PDCD11: variants seen among roughly 807,000 people sequenced by gnomAD.
PDCD11 encodes protein RRP5 homolog.
A neutral mutation model predicts 198.9 loss-of-function variants in PDCD11; 97 were observed. The ratio of observed to expected loss-of-function variants is 0.49; its 90% CI spans 0.41 to 0.58. The LOEUF (loss-of-function observed/expected upper bound fraction) is 0.58. Among genes scored for constraint, PDCD11 ranks in the 20% least tolerant of loss-of-function variants. PDCD11 has a pLI of 0.00. For synonymous variants in PDCD11, 893 were observed against 918.0 expected (o/e 0.97, Z 0.49); for missense variants, 2,102 against 2,312.7 (o/e 0.91, Z 1.87).
intron 8 of PDCD11, among the ~76,000 whole-genome samples, chr10:103,412,681 C>T (rs1012074684): frequency 2.0e-5 from 3 of 152,164 alleles, no homozygotes; most frequent in African/African-American, 7.2e-5. Context: ...GCTGGGCTGT[C>T]TCAGACTCCT....
rs749175496 is a variant in PDCD11, at chr10:103,444,532, C to A, written c.5294C>A (p.Ala1765Asp). Residue 1765 changes from alanine to aspartate, a missense_variant, in exon 35 of 36, where the codon GCC (alanine) becomes GAC (aspartate). By Grantham distance (126) the Ala-to-Asp change is moderately radical (BLOSUM62 -2). Coordinates refer to ENST00000369797, the MANE Select transcript of PDCD11 (RefSeq NM_014976.2). ...CTCCCTGCAGATGTGGATGTCATTG[C>A]CAAGTTTGCCCAGCTTGAGTTTCAG... is the stretch of plus-strand genomic sequence containing the variant. Reference protein sequence around the residue: ...LPSKEHVDVIAKFAQLEFQLG... With the variant: ...LPSKEHVDVIDKFAQLEFQLG... 4.3e-6 allele frequency: 7 copies of A among 1,613,978 alleles called. No individual in the cohort carries two copies. The East Asian group carries it at 1.6e-4, about 36-fold the overall frequency.
intron 13 of PDCD11, 139 bp from the exon 14 acceptor site, chr10:103,417,653 C>T: frequency 1.1e-6 from 1 of 870,972 alleles, no homozygotes; most frequent in African/African-American, 1.7e-5. Flanking sequence ...CAGTGCATTT[C>T]TTCTTTTCAC....
chr10:103,415,147 G>T lies in PDCD11; in HGVS notation c.1514G>T (p.Cys505Phe), dbSNP rs199836327. The change falls in exon 12 of 36, where the codon TGC (cysteine) becomes TTC (phenylalanine). Residue 505 changes from cysteine (C) to phenylalanine (F), a missense_variant. Cys to Phe is a radical substitution (Grantham distance 205). Coordinates refer to ENST00000369797, the MANE Select transcript of PDCD11 (RefSeq NM_014976.2). ...TACCACATCGGGGATGAGGTCAAGT[G>T]CCGGGTGAGCCTCCTGAAGGGTCTC... is the stretch of plus-strand genomic sequence containing the variant. ...KKYHIGDEVK[C>F]RVLLCDPEAK... The T allele has an allele frequency of 1.2e-6, 2 of 1,613,780 alleles. No individual in the cohort carries two copies.
At chr10:103,422,892 C>T (rs1592129718) in intron 17 of PDCD11, 96 bp from the exon 18 acceptor site, 1 of 1,166,070 alleles carries the variant, frequency 8.6e-7, no homozygotes, top group East Asian at 2.8e-5. Flanking sequence ...TTCCAGTGCT[C>T]CACTGTCCTC....
intron 7 of PDCD11, among the ~76,000 whole-genome samples, chr10:103,409,472 C>G (rs375176429): frequency 6.6e-6 from 1 of 152,110 alleles, no homozygotes. Flanking sequence ...GATTGATGTC[C>G]TCTCTTAGCT....
In PDCD11 at chr10:103,419,535, T is replaced by C. The variant is rs1162005085; in HGVS notation, c.2107-3T>C. On this transcript the variant is annotated splice_polypyrimidine_tract_variant and splice_region_variant and intron_variant, in intron 15 of 35. Transcript: ENST00000369797. Reference sequence around the variant, plus strand: ...GGAACATTCCTTGATGAAGTACCACTAGCTTCTTTGCAGGAAGCCAGCCTT... The same window carrying C: ...GGAACATTCCTTGATGAAGTACCACCAGCTTCTTTGCAGGAAGCCAGCCTT... The C allele has an allele frequency of 2.5e-6, 4 of 1,612,816 alleles. No individual in the cohort carries two copies. In the Admixed American group the frequency reaches 5.0e-5, roughly 20 times the overall value.
rs781022588 is a variant in PDCD11, at chr10:103,421,486, G to T, written c.2416G>T (p.Asp806Tyr). ...SLRLSDCGLG[D>Y]LAITSLLLLN... ...GCGGCTGTCGGACTGTGGTCTGGGGGACTTGGCTATCACCAGCCTCCTCCT... is the reference window on the plus strand; with the variant it reads ...GCGGCTGTCGGACTGTGGTCTGGGGTACTTGGCTATCACCAGCCTCCTCCT... Residue 806 changes from aspartate to tyrosine, a missense_variant, in exon 17 of 36, where the codon GAC (aspartate) becomes TAC (tyrosine). Physicochemically the swap from Asp to Tyr is radical, Grantham distance 160. Transcript: ENST00000369797. 5 of 1,597,634 alleles carry T rather than the reference G, an allele frequency of 3.1e-6. No individual in the cohort carries two copies. The highest frequency in any genetic ancestry group is 1.8e-5 in the Admixed American group (1 of 57,050).
In PDCD11 at chr10:103,444,532, C is replaced by T; in HGVS notation, c.5294C>T (p.Ala1765Val). 3 of 1,614,096 alleles carry T rather than the reference C, an allele frequency of 1.9e-6. No individual in the cohort carries two copies. The highest frequency in any genetic ancestry group is 8.5e-7 in the Non-Finnish European group (1 of 1,180,000). ...LPSKEHVDVI[A>V]KFAQLEFQLG... ...CTCCCTGCAGATGTGGATGTCATTG[C>T]CAAGTTTGCCCAGCTTGAGTTTCAG... Residue 1765 changes from alanine to valine, a missense_variant, in exon 35 of 36, where the codon GCC becomes GTC. Physicochemically the swap from Ala to Val is moderately conservative, Grantham distance 64 (BLOSUM62 0). Transcript: ENST00000369797.
intron 1 of PDCD11, among the ~76,000 whole-genome samples, chr10:103,397,994 G>A (rs1184599430): frequency 6.6e-6 from 1 of 152,042 alleles, no homozygotes; most frequent in East Asian, 1.9e-4. Context: ...TTCCTACATT[G>A]CCTTATCCCT....
intron 1 of PDCD11, among the ~76,000 whole-genome samples, chr10:103,398,063 G>T (rs1021373164): frequency 2.6e-5 from 4 of 152,260 alleles, no homozygotes; most frequent in African/African-American, 9.6e-5. Context: ...TTGCATAATT[G>T]TTTTATCTTC....
chr10:103,436,762 T>C (rs1034515463), intron 25 of PDCD11, among the ~76,000 whole-genome samples: 3 of 152,190 alleles, frequency 2.0e-5, no homozygotes, highest in African/African-American at 7.2e-5. Flanking sequence ...TCCCTTGAGG[T>C]TCTGTCCAGC....
rs2031966983 is a variant in PDCD11 at position 103,432,243 on chromosome 10, T to C, written c.3474+9T>C. 6.4e-7 allele frequency: 1 copy of C among 1,571,530 alleles called. No individual in the cohort carries two copies. On this transcript the variant is annotated intron_variant, in intron 22 of 35. Transcript: ENST00000369797. ...CTTGCTTCTTAAAGAAAGTAAGTAGTTTTGCCACTCGGCAATGAGATGTCA... is the reference window on the plus strand; with the variant it reads ...CTTGCTTCTTAAAGAAAGTAAGTAGCTTTGCCACTCGGCAATGAGATGTCA...
At chr10:103,426,889 C>G (rs1487041335) in intron 20 of PDCD11, among the ~76,000 whole-genome samples, 2 of 147,486 alleles carry the variant, frequency 1.4e-5, no homozygotes, top group African/African-American at 4.9e-5. Context: ...CCCAGGAGTT[C>G]AAGACCTGCC....
At chr10:103,421,828 G>A (rs1203820148) in intron 17 of PDCD11, among the ~76,000 whole-genome samples, 6 of 150,802 alleles carry the variant, frequency 4.0e-5, no homozygotes, top group African/African-American at 1.2e-4. Context: ...TTAGCCGGGC[G>A]CGGTGGCGGG....
In PDCD11 at chr10:103,423,047, G is replaced by C; in HGVS notation, c.2557G>C (p.Val853Leu). ...MTPGMFLDLVVQEVLEDGSVV... is the reference protein window; with the variant it reads ...MTPGMFLDLVLQEVLEDGSVV... ...CCCAGGAATGTTCCTTGACCTAGTG[G>C]TGCAGGAGGTGTTGGAAGATGGCTC... The change falls in exon 18 of 36, where the codon GTG (valine) becomes CTG (leucine). Residue 853 changes from valine to leucine, a missense_variant. Coordinates refer to ENST00000369797, the MANE Select transcript of PDCD11 (RefSeq NM_014976.2). 6.2e-7 allele frequency: 1 copy of C among 1,606,842 alleles called. No homozygotes were observed. Among genetic ancestry groups the C allele is most frequent in the Non-Finnish European group, 8.5e-7 (1 of 1,176,166 alleles).
At chr10:103,401,295 C>T (rs752843297) in intron 3 of PDCD11, among the ~76,000 whole-genome samples, 6 of 151,726 alleles carry the variant, frequency 4.0e-5, no homozygotes, top group Non-Finnish European at 8.8e-5. Flanking sequence ...TATTTTGAGA[C>T]GGAATCTCTC....
At chr10:103,409,605 A>T in intron 7 of PDCD11, 94 bp from the exon 8 acceptor site, 5 of 794,206 alleles carry the variant, frequency 6.3e-6, no homozygotes, top group Non-Finnish European at 1.1e-5. Context: ...ACAGTTAGGG[A>T]TACTATGGCA....
At chr10:103,428,820 A>G (rs1356877737) in intron 21 of PDCD11, among the ~76,000 whole-genome samples, 2 of 152,132 alleles carry the variant, frequency 1.3e-5, no homozygotes, top group Non-Finnish European at 2.9e-5. Flanking sequence ...CATGACAGGA[A>G]TTGAGTGGAT....
Position 103,445,722 on chromosome 10 carries a change from C to G in PDCD11, c.*173C>G. ...AAAGGAAGTTGAGATTTTTTAAATC[C>G]CTCTTCGCTTGCTTTATTTTCAGTA... On this transcript the variant is annotated 3_prime_UTR_variant, in exon 36 of 36. Transcript: ENST00000369797. The G allele has an allele frequency of 1.7e-6, 1 of 583,038 alleles. No individual in the cohort carries two copies. Among genetic ancestry groups the G allele is most frequent in the Non-Finnish European group, 3.0e-6 (1 of 329,666 alleles). 36.1% of individuals were successfully genotyped at this position (583,038 alleles called of 1,614,324 possible). A position where few individuals can be genotyped will look rare whatever the true frequency, so the allele number is the denominator to read the frequency against.
Sources: gnomAD v4.1 joint callset for allele counts (sites outside exome capture counted in the v4.1 genomes callset) on GRCh38, gnomAD v4.1.1 for gene constraint, MANE v1.5 for transcripts, NCBI Gene and HGNC (gene_info 2026-07-23, HGNC 2026-07-21) for gene names.